The following NR6A1 variants were observed in gnomAD, a reference collection of about 807,000 sequenced individuals.
NR6A1 encodes nuclear receptor subfamily 6 group A member 1.
A neutral mutation model predicts 59.1 loss-of-function variants in NR6A1; 7 were observed. That is an observed-to-expected ratio of 0.12 (90% CI 0.07 to 0.22). The LOEUF is 0.22. Among genes scored for constraint, NR6A1 ranks in the 10% least tolerant of loss-of-function variants. NR6A1 has a pLI of 1.00. For synonymous variants in NR6A1, 243 were observed against 236.1 expected, an observed-to-expected ratio of 1.03 and a Z score of -0.27; for missense variants, 468 against 611.6, an observed-to-expected ratio of 0.77 and a Z score of 2.48.
intron 2 of NR6A1, among the ~76,000 whole-genome samples, chr9:124,571,299 C>A (rs930913420): frequency 3.3e-5 from 5 of 152,128 alleles, no homozygotes; most frequent in African/African-American, 1.2e-4. Context: ...CCACAATGAA[C>A]ACAAACATGC....
intron 2 of NR6A1, among the ~76,000 whole-genome samples, chr9:124,707,565 T>C (rs1839170709): frequency 6.6e-6 from 1 of 152,038 alleles, no homozygotes; most frequent in Admixed American, 6.6e-5. Flanking sequence ...TTTCTCTACA[T>C]GTCTTTTAAT....
At chr9:124,696,848 G>A (rs1488199599) in intron 2 of NR6A1, among the ~76,000 whole-genome samples, 3 of 152,172 alleles carry the variant, frequency 2.0e-5, no homozygotes, top group Non-Finnish European at 4.4e-5. Flanking sequence ...AGTAGAGACA[G>A]GATTTTGCCA....
At chr9:124,525,249 A>C (rs976762157) in intron 8 of NR6A1, among the ~76,000 whole-genome samples, 7 of 150,362 alleles carry the variant, frequency 4.7e-5, no homozygotes, top group African/African-American at 9.9e-5. Context: ...AACCAATCAG[A>C]AACCTTGCCA....
At chr9:124,635,896 G>T (rs1451537407) in intron 2 of NR6A1, among the ~76,000 whole-genome samples, 1 of 152,220 alleles carries the variant, frequency 6.6e-6, no homozygotes, top group Non-Finnish European at 1.5e-5. Flanking sequence ...AAAACTGCTA[G>T]ATCATATGGT....
rs55823536 is a variant in NR6A1, at chr9:124,624,649, C to T, written c.143-70079G>A. Among the ~76,000 whole-genome samples, 1,344 of 152,248 alleles carry T rather than the reference C, an allele frequency of 8.8e-3. 12 individuals are homozygous for T. Among genetic ancestry groups the T allele is most frequent in the Non-Finnish European group, 0.012 (816 of 68,012 alleles). On this transcript the variant is annotated intron_variant, in intron 2 of 9. Transcript: ENST00000487099. ...AGCTGAAATCAAGAAAATAGGTCCCCTAAAACAATTAGTGTTTCTAAAAAA... is the reference window on the plus strand; with the variant it reads ...AGCTGAAATCAAGAAAATAGGTCCCTTAAAACAATTAGTGTTTCTAAAAAA...
intron 2 of NR6A1, among the ~76,000 whole-genome samples, chr9:124,716,767 G>T (rs371934840): frequency 1.3e-5 from 2 of 152,136 alleles, no homozygotes; most frequent in African/African-American, 4.8e-5. Flanking sequence ...GAGTAGCTGG[G>T]ATTACAGGCA....
At chr9:124,655,543 A>C (rs1021571228) in intron 2 of NR6A1, among the ~76,000 whole-genome samples, 3 of 152,254 alleles carry the variant, frequency 2.0e-5, no homozygotes, top group Admixed American at 2.0e-4. Context: ...ATACAGAGGC[A>C]CAAGGCACAA....
At chr9:124,597,540 T>C (rs1835313093) in intron 2 of NR6A1, among the ~76,000 whole-genome samples, 1 of 152,122 alleles carries the variant, frequency 6.6e-6, no homozygotes, top group South Asian at 2.1e-4. Context: ...CACCAACTTT[T>C]GGAGGAAAAG....
At chr9:124,535,748 G>T in intron 7 of NR6A1, 130 bp downstream of exon 7, 1 of 1,157,540 alleles carries the variant, frequency 8.6e-7, no homozygotes. Context: ...CTAGTCAGTG[G>T]CAGAGTGAGG....
chr9:124,650,576 G>C (rs1430641559), intron 2 of NR6A1, among the ~76,000 whole-genome samples: 1 of 152,160 alleles, frequency 6.6e-6, no homozygotes, highest in African/African-American at 2.4e-5. Context: ...ATTTCAAAAT[G>C]GATAGAAGAG....
At chr9:124,750,937 G>T (rs933827161) in intron 1 of NR6A1, among the ~76,000 whole-genome samples, 1 of 152,038 alleles carries the variant, frequency 6.6e-6, no homozygotes, top group Non-Finnish European at 1.5e-5. Context: ...GACTCCTTAA[G>T]GTACAAATGG....
At chr9:124,592,256 C>T (rs1034814909) in intron 2 of NR6A1, among the ~76,000 whole-genome samples, 1 of 151,812 alleles carries the variant, frequency 6.6e-6, no homozygotes, top group Non-Finnish European at 1.5e-5. Flanking sequence ...AGGCCCTCCC[C>T]CTAATACACA....
chr9:124,731,621 C>T lies in NR6A1; in HGVS notation c.142+1687G>A, dbSNP rs142712702. ...CTCTGCCACTCAAGAGCAAGACCAA[C>T]CCCTCTTTCTCCTCCTTCAGCATGA... On this transcript the variant is annotated intron_variant, in intron 2 of 9. Transcript: ENST00000487099. Among the ~76,000 whole-genome samples, 4 of 152,256 alleles carry T rather than the reference C, an allele frequency of 2.6e-5. No individual in the cohort carries two copies. In the East Asian group the frequency reaches 7.7e-4, roughly 29 times the overall value.
At chr9:124,747,465 C>T (rs1243250855) in intron 1 of NR6A1, among the ~76,000 whole-genome samples, 3 of 152,118 alleles carry the variant, frequency 2.0e-5, no homozygotes, top group Non-Finnish European at 2.9e-5. Flanking sequence ...TACACTTTCA[C>T]TTACACTTCC....
chr9:124,585,565 G>A (rs372359965), intron 2 of NR6A1, among the ~76,000 whole-genome samples: 27 of 135,742 alleles, frequency 2.0e-4, no homozygotes, highest in African/African-American at 6.5e-4. Context: ...AAAAGGGGGG[G>A]GGGGGCAAGG....
intron 2 of NR6A1, among the ~76,000 whole-genome samples, chr9:124,647,658 C>T (rs1029883644): frequency 2.1e-5 from 3 of 144,732 alleles, no homozygotes; most frequent in African/African-American, 7.8e-5. Context: ...ACCTGGGAAT[C>T]GGAGGTTGCA....
intron 2 of NR6A1, among the ~76,000 whole-genome samples, chr9:124,622,451 G>A (rs1836105333): frequency 6.6e-6 from 1 of 152,196 alleles, no homozygotes; most frequent in African/African-American, 2.4e-5. Flanking sequence ...CTGCTAAAAA[G>A]ATTATGGCTT....
chr9:124,640,663 C>T (rs1208470696), intron 2 of NR6A1, among the ~76,000 whole-genome samples: 1 of 151,992 alleles, frequency 6.6e-6, no homozygotes, highest in Non-Finnish European at 1.5e-5. Context: ...TCCCAAAGCA[C>T]TAGGATTACA....
intron 2 of NR6A1, among the ~76,000 whole-genome samples, chr9:124,674,285 T>C (rs1346021097): frequency 6.6e-6 from 1 of 152,176 alleles, no homozygotes; most frequent in Non-Finnish European, 1.5e-5. Context: ...ATGGTAGATG[T>C]TACCCCTTAC....
Sources: gnomAD v4.1 joint callset for allele counts (sites outside exome capture counted in the v4.1 genomes callset) on GRCh38, gnomAD v4.1.1 for gene constraint, MANE v1.5 for transcripts, NCBI Gene and HGNC (gene_info 2026-07-23, HGNC 2026-07-21) for gene names.